EPHX4: variants seen among roughly 807,000 people sequenced by gnomAD.
The protein encoded by EPHX4 is epoxide hydrolase 4.
Under a neutral mutation model 44.9 loss-of-function variants are expected in EPHX4, and 31 were observed. The ratio of observed to expected loss-of-function variants is 0.69; its 90% CI spans 0.52 to 0.93. The LOEUF (loss-of-function observed/expected upper bound fraction) is 0.93. Ranked by LOEUF, EPHX4 falls within the 40% of genes least tolerant of loss-of-function variation. EPHX4 has a pLI of 0.00. For missense variants in EPHX4, 373 were observed against 438.1 expected, an observed-to-expected ratio of 0.85 and a Z score of 1.33; for synonymous variants, 151 against 159.7, an observed-to-expected ratio of 0.95 and a Z score of 0.41.
chr1:92,048,008 T>A (rs930486080), intron 4 of EPHX4, among the ~76,000 whole-genome samples: 1 of 152,192 alleles, frequency 6.6e-6, no homozygotes, highest in Admixed American at 6.5e-5. Flanking sequence ...TTTGTATTCT[T>A]TACTCTTGTT....
At chr1:92,047,253 C>CA in intron 4 of EPHX4, among the ~76,000 whole-genome samples, 1 of 152,090 alleles carries the variant, frequency 6.6e-6, no homozygotes, top group East Asian at 1.9e-4. Flanking sequence ...AAAAATGCAG[C>CA]AAAAAATTAG....
chr1:92,060,035 A>G (rs1647461191), intron 6 of EPHX4, among the ~76,000 whole-genome samples: 1 of 152,010 alleles, frequency 6.6e-6, no homozygotes, highest in African/African-American at 2.4e-5. Context: ...TAATAATTTC[A>G]CAATTGATAC....
rs183929008 is a variant in EPHX4, at chr1:92,050,434, A to T, written c.708+14A>T. ...AATGATTTCAAGGTAAGCCAAACAAATCAAACAAATAATGTATTATTATTA... is the reference window on the plus strand; with the variant it reads ...AATGATTTCAAGGTAAGCCAAACAATTCAAACAAATAATGTATTATTATTA... On this transcript the variant is annotated intron_variant, in intron 5 of 6. Transcript: ENST00000370383. 571 of 1,349,750 alleles carry T rather than the reference A, an allele frequency of 4.2e-4. No individual in the cohort carries two copies. The African/African-American group carries it at 7.9e-3, about 19-fold the overall frequency. 83.6% of individuals were successfully genotyped at this position (1,349,750 alleles called of 1,614,324 possible). A position where few individuals can be genotyped will look rare whatever the true frequency, so the allele number is the denominator to read the frequency against.
intron 3 of EPHX4, 130 bp from the exon 4 acceptor site, chr1:92,045,402 C>A: frequency 4.4e-6 from 5 of 1,144,368 alleles, no homozygotes; most frequent in Non-Finnish European, 4.9e-6. Flanking sequence ...AATTCAATAT[C>A]TGCACAAAGT....
intron 2 of EPHX4, among the ~76,000 whole-genome samples, chr1:92,041,668 T>C (rs1452964182): frequency 1.3e-5 from 2 of 152,204 alleles, no homozygotes; most frequent in Admixed American, 6.5e-5. Context: ...TATCTAGAAA[T>C]TCGGGCTGTA....
At position 92,030,273 on chromosome 1, in the gene EPHX4, A is replaced by AC; in HGVS notation, c.198dup (p.Ser67LeufsTer51). ...GAGCACCCTCCCGCGTGCCTGAGCG[A>AC]CCCCTCCTTGGGCACCCACTGCTAC... On this transcript the variant is annotated frameshift_variant, in exon 1 of 7. Coordinates refer to ENST00000370383, the MANE Select transcript of EPHX4 (RefSeq NM_173567.5). LOFTEE classifies it high-confidence loss of function. 6.3e-7 allele frequency: 1 copy of AC among 1,598,238 alleles called. No individual in the cohort carries two copies. The highest frequency in any genetic ancestry group is 8.5e-7 in the Non-Finnish European group (1 of 1,173,226).
intron 6 of EPHX4, among the ~76,000 whole-genome samples, chr1:92,062,020 C>T (rs1298433899): frequency 2.6e-5 from 4 of 151,202 alleles, no homozygotes; most frequent in Non-Finnish European, 5.9e-5. Flanking sequence ...CCAGCCTGGT[C>T]AACATAGCAA....
At chr1:92,059,817 T>C (rs1210822365) in intron 6 of EPHX4, among the ~76,000 whole-genome samples, 4 of 152,078 alleles carry the variant, frequency 2.6e-5, no homozygotes, top group Non-Finnish European at 1.5e-5. Flanking sequence ...CATTAAAGAA[T>C]ATGGGCTTAG....
chr1:92,062,975 A>T, intron 6 of EPHX4, 80 bp from the exon 7 acceptor site: 1 of 1,231,864 alleles, frequency 8.1e-7, no homozygotes, highest in South Asian at 1.4e-5. Context: ...TCAAGAATGT[A>T]TGACCTACTG....
chr1:92,043,592 G>T (rs191118541), intron 3 of EPHX4: 3 of 152,220 alleles, frequency 2.0e-5, no homozygotes, highest in South Asian at 4.1e-4. Context: ...TTATACAGAT[G>T]CACTTGCATT....
intron 6 of EPHX4, among the ~76,000 whole-genome samples, chr1:92,055,881 A>G: frequency 6.6e-6 from 1 of 152,174 alleles, no homozygotes; most frequent in East Asian, 1.9e-4. Context: ...AGTATCTATA[A>G]GGAAAGAGGG....
At chr1:92,054,900 C>A (rs904931666) in intron 6 of EPHX4, among the ~76,000 whole-genome samples, 1 of 151,916 alleles carries the variant, frequency 6.6e-6, no homozygotes, top group South Asian at 2.1e-4. Flanking sequence ...CCCCAAATTA[C>A]CCAGAATGTA....
At chr1:92,042,601 T>A (rs1158443795) in intron 2 of EPHX4, among the ~76,000 whole-genome samples, 1 of 151,796 alleles carries the variant, frequency 6.6e-6, no homozygotes, top group African/African-American at 2.4e-5. Context: ...GGTGTGCACC[T>A]GTAGTCTCGG....
intron 6 of EPHX4, among the ~76,000 whole-genome samples, chr1:92,061,375 T>A (rs1386623052): frequency 6.6e-6 from 1 of 152,208 alleles, no homozygotes; most frequent in African/African-American, 2.4e-5. Flanking sequence ...GGCTTTTTTA[T>A]TCACTAGTAA....
chr1:92,030,614 C>T (rs1364706782), intron 1 of EPHX4, among the ~76,000 whole-genome samples: 1 of 152,112 alleles, frequency 6.6e-6, no homozygotes, highest in African/African-American at 2.4e-5. Flanking sequence ...GGCGCCACAA[C>T]AACCCAGAAT....
chr1:92,044,621 G>A (rs898083144), intron 3 of EPHX4, among the ~76,000 whole-genome samples: 4 of 152,110 alleles, frequency 2.6e-5, no homozygotes, highest in Non-Finnish European at 5.9e-5. Flanking sequence ...TGCAAAATTG[G>A]TGCTATAATT....
intron 3 of EPHX4, chr1:92,043,944 G>A (rs1410453142): frequency 6.6e-6 from 1 of 152,196 alleles, no homozygotes; most frequent in East Asian, 1.9e-4. Flanking sequence ...AAGCTACATA[G>A]CCACCACGAG....
At chr1:92,031,444 T>C (rs1688358857) in intron 1 of EPHX4, among the ~76,000 whole-genome samples, 1 of 152,120 alleles carries the variant, frequency 6.6e-6, no homozygotes, top group South Asian at 2.1e-4. Flanking sequence ...ATAAAACACT[T>C]TTCCCCTCGC....
intron 2 of EPHX4, among the ~76,000 whole-genome samples, chr1:92,037,959 C>A (rs1443347051): frequency 6.6e-6 from 1 of 152,118 alleles, no homozygotes; most frequent in East Asian, 1.9e-4. Flanking sequence ...ACTGGGGTGA[C>A]TTCTTTTTCA....
Sources: gnomAD v4.1 joint callset for allele counts (sites outside exome capture counted in the v4.1 genomes callset) on GRCh38, gnomAD v4.1.1 for gene constraint, MANE v1.5 for transcripts, NCBI Gene and HGNC (gene_info 2026-07-23, HGNC 2026-07-21) for gene names.